Variants in C2orf92 observed in about 807,000 individuals in gnomAD.
C2orf92 encodes chromosome 2 open reading frame 92.
At chr2:97,697,603 T>G (rs1676352854) in intron 5 of C2orf92, among the ~76,000 whole-genome samples, 1 of 152,244 alleles carries the variant, frequency 6.6e-6, no homozygotes, top group Non-Finnish European at 1.5e-5. Flanking sequence ...TAAGCCAAGT[T>G]GAATAAGGAA....
intron 4 of C2orf92, among the ~76,000 whole-genome samples, chr2:97,689,249 AC>A: frequency 2.0e-5 from 3 of 152,308 alleles, no homozygotes; most frequent in Admixed American, 2.0e-4. Flanking sequence ...AGGTTCTGCC[AC>A]CCTGGAGGCA....
intron 3 of C2orf92, among the ~76,000 whole-genome samples, chr2:97,682,104 T>C (rs1042679500): frequency 3.9e-5 from 6 of 152,194 alleles, no homozygotes; most frequent in African/African-American, 1.4e-4. Context: ...GGATCCATTA[T>C]GAATTCAGAA....
intron 5 of C2orf92, among the ~76,000 whole-genome samples, chr2:97,691,582 G>A (rs773884938): frequency 1.8e-4 from 27 of 152,274 alleles, no homozygotes; most frequent in Non-Finnish European, 3.8e-4. Context: ...AAAAAACCAG[G>A]CCAAATAGGT....
At chr2:97,675,213 AT>A (rs2104542658) in intron 2 of C2orf92, among the ~76,000 whole-genome samples, 1 of 152,386 alleles carries the variant, frequency 6.6e-6, no homozygotes, top group South Asian at 2.1e-4. Flanking sequence ...ACAATGAGTA[AT>A]TAGTTATCAG....
intron 5 of C2orf92, among the ~76,000 whole-genome samples, chr2:97,690,724 T>TAA: frequency 6.6e-6 from 1 of 150,788 alleles, no homozygotes; most frequent in South Asian, 2.1e-4. Context: ...GCTGAGGGTC[T>TAA]GGCAGATGGT....
rs1675557146 is a variant in C2orf92, at chr2:97,675,829, G to T, written c.149-16G>T. 5.0e-6 allele frequency: 2 copies of T among 398,968 alleles called. No homozygotes were observed. The highest frequency in any genetic ancestry group is 2.1e-5 in the African/African-American group (1 of 48,642). The allele number at this position is 398,968 out of a possible 1,614,324, so 24.7% of individuals were successfully genotyped here. On this transcript the variant is annotated splice_polypyrimidine_tract_variant and intron_variant, in intron 2 of 7. Transcript: ENST00000627399. ...AATGAAAGACTTAATCACAGCCATG[G>T]TTTATTTTCCCTTAGGCTATTCCCA... is the stretch of plus-strand genomic sequence containing the variant.
intron 3 of C2orf92, among the ~76,000 whole-genome samples, chr2:97,683,967 C>A (rs566559938): frequency 8.1e-4 from 122 of 151,526 alleles, no homozygotes; most frequent in African/African-American, 2.8e-3. Flanking sequence ...TGGGTTCACG[C>A]CATTCTCCTG....
chr2:97,666,536 A>AG (rs1675235488), upstream of C2orf92, among the ~76,000 whole-genome samples: 1 of 150,352 alleles, frequency 6.7e-6, no homozygotes, highest in Non-Finnish European at 1.5e-5. Flanking sequence ...TCTCAAAAAA[A>AG]AAAAAAAAAA....
At chr2:97,697,405 T>C (rs916753744) in intron 5 of C2orf92, 3 of 152,154 alleles carry the variant, frequency 2.0e-5, no homozygotes, top group Admixed American at 2.0e-4. Flanking sequence ...GAAAATGTGT[T>C]CCCGTGTCAG....
intron 1 of C2orf92, 36 bp from the exon 2 acceptor site, chr2:97,674,420 G>T (rs944066965): frequency 7.5e-6 from 3 of 398,302 alleles, no homozygotes. Flanking sequence ...GCAAAATATT[G>T]CTGATATTAA....
intron 6 of C2orf92, among the ~76,000 whole-genome samples, 157 bp from the exon 7 acceptor site, chr2:97,700,997 C>G (rs1676477268): frequency 6.6e-6 from 1 of 152,186 alleles, no homozygotes; most frequent in Non-Finnish European, 1.5e-5. Context: ...TCCCAAAGTG[C>G]TGGGATTACA....
intron 3 of C2orf92, among the ~76,000 whole-genome samples, chr2:97,688,033 A>G (rs1676019992): frequency 1.3e-5 from 2 of 151,692 alleles, no homozygotes; most frequent in Admixed American, 1.3e-4. Flanking sequence ...GGGTTTGGGA[A>G]GCTCCCATCA....
At chr2:97,689,984 A>T (rs1424174045) in intron 4 of C2orf92, among the ~76,000 whole-genome samples, 1 of 152,064 alleles carries the variant, frequency 6.6e-6, no homozygotes, top group Non-Finnish European at 1.5e-5. Context: ...CAAAAAAATT[A>T]GCCAGCCATG....
intron 3 of C2orf92, among the ~76,000 whole-genome samples, chr2:97,680,674 C>T (rs1167578271): frequency 6.6e-6 from 1 of 152,182 alleles, no homozygotes; most frequent in Non-Finnish European, 1.5e-5. Flanking sequence ...CGCCTGTAGT[C>T]CCAGCACTTT....
chr2:97,674,456 A>G lies in C2orf92; in HGVS notation c.47A>G (p.Asp16Gly), dbSNP rs1675511426. The G allele has an allele frequency of 1.8e-5, 7 of 398,422 alleles. No individual in the cohort carries two copies. Among genetic ancestry groups the G allele is most frequent in the Non-Finnish European group, 3.1e-5 (7 of 226,070 alleles). The allele number at this position is 398,422 out of a possible 1,614,324, so 24.7% of individuals were successfully genotyped here. A position where few individuals can be genotyped will look rare whatever the true frequency, so the allele number is the denominator to read the frequency against. Residue 16 changes from aspartate to glycine, a missense_variant and splice_region_variant, in exon 2 of 8, where the codon GAT becomes GGT. Transcript: ENST00000627399. ...ALFFVLCWIQ[D>G]EIVLQVFSKV... The stretch of plus-strand genomic sequence containing the variant: ...CATGCCTTTGTTTGCTTCACTGGAG[A>G]TGAAATTGTGCTCCAAGTGTTTTCC...
upstream of C2orf92, chr2:97,667,101 C>T (rs896118850): frequency 6.6e-6 from 1 of 151,996 alleles, no homozygotes; most frequent in African/African-American, 2.4e-5. Context: ...TAAAATAGAT[C>T]ACTGTGTAGC....
At chr2:97,673,027 T>C (rs1384682117) in intron 1 of C2orf92, among the ~76,000 whole-genome samples, 1 of 152,174 alleles carries the variant, frequency 6.6e-6, no homozygotes, top group African/African-American at 2.4e-5. Context: ...TTAATATATT[T>C]CAAAAATGTA....
At chr2:97,681,622 G>A (rs1033955920) in intron 3 of C2orf92, among the ~76,000 whole-genome samples, 10 of 152,208 alleles carry the variant, frequency 6.6e-5, no homozygotes, top group Non-Finnish European at 1.2e-4. Context: ...ACTTTGGGAG[G>A]CCTAGGCGGG....
At chr2:97,689,871 G>C (rs1309190736) in intron 4 of C2orf92, among the ~76,000 whole-genome samples, 2 of 152,210 alleles carry the variant, frequency 1.3e-5, no homozygotes, top group African/African-American at 4.8e-5. Context: ...GCTCACACCT[G>C]TAATCCCAGC....
Sources: gnomAD v4.1 joint callset for allele counts (sites outside exome capture counted in the v4.1 genomes callset) on GRCh38, gnomAD v4.1.1 for gene constraint, MANE v1.5 for transcripts, NCBI Gene and HGNC (gene_info 2026-07-23, HGNC 2026-07-21) for gene names.